The following CUL3 variants were observed in gnomAD, a reference collection of about 807,000 sequenced individuals.
The protein encoded by CUL3 is cullin 3.
A neutral mutation model predicts 89.1 loss-of-function variants in CUL3; 19 were observed. The observed-to-expected ratio is 0.21, with a 90% CI of 0.15 to 0.31. CUL3 has a LOEUF of 0.31. CUL3 is among the 10% of genes least tolerant of loss of function. The pLI, the probability that CUL3 is intolerant of heterozygous loss-of-function variation, is 1.00. For synonymous variants in CUL3, 351 were observed against 308.4 expected (o/e 1.14, Z -1.45); for missense variants, 469 against 942.3 (o/e 0.50, Z 6.58).
chr2:224,476,611 A>C (rs1436628682), intron 15 of CUL3, among the ~76,000 whole-genome samples: 1 of 152,132 alleles, frequency 6.6e-6, no homozygotes, highest in Non-Finnish European at 1.5e-5. Flanking sequence ...CTTACACCAA[A>C]TCTTGCTTAG....
In CUL3 at chr2:224,580,004, T is replaced by C. The variant is rs115984146; in HGVS notation, c.66+4940A>G. 3.3e-3 allele frequency among the ~76,000 whole-genome samples: 507 copies of C among 152,306 alleles called. 4 individuals are homozygous for C. The highest frequency in any genetic ancestry group is 0.012 in the African/African-American group (486 of 41,574). On this transcript the variant is annotated intron_variant, in intron 1 of 15. Coordinates refer to ENST00000264414, the MANE Select transcript of CUL3 (RefSeq NM_003590.5). ...AATAAAAGGTTCACCTGAAAGCAAC[T>C]AATCCTACATAGTGGAACAAAGCCC...
chr2:224,572,999 A>G (rs765272506), intron 1 of CUL3, among the ~76,000 whole-genome samples: 42 of 152,250 alleles, frequency 2.8e-4, no homozygotes, highest in Non-Finnish European at 4.6e-4. Flanking sequence ...AGTCACTTTT[A>G]GCCCTCAAAA....
At chr2:224,505,824 T>C (rs945880527) in intron 8 of CUL3, 132 bp downstream of exon 8, 1 of 495,814 alleles carries the variant, frequency 2.0e-6, no homozygotes, top group Non-Finnish European at 3.3e-6. Flanking sequence ...TATTTTTTAA[T>C]AGACCATGGC....
intron 1 of CUL3, among the ~76,000 whole-genome samples, chr2:224,576,318 A>G (rs908014221): frequency 6.6e-6 from 1 of 152,160 alleles, no homozygotes; most frequent in Admixed American, 6.5e-5. Context: ...TAGTAAACAG[A>G]AAGACTGGAC....
chr2:224,534,763 A>G (rs1693820925), intron 3 of CUL3, among the ~76,000 whole-genome samples: 1 of 152,016 alleles, frequency 6.6e-6, no homozygotes, highest in South Asian at 2.1e-4. Flanking sequence ...TGGGCAGATC[A>G]CCAGGTCAGG....
In CUL3 at chr2:224,511,011, T is replaced by C. The variant is rs377252278; in HGVS notation, c.883+343A>G. Among the ~76,000 whole-genome samples the C allele has an allele frequency of 1.6e-3, 245 of 152,278 alleles. 2 individuals are homozygous for C. Among genetic ancestry groups the C allele is most frequent in the East Asian group, 3.1e-3 (16 of 5,184 alleles). ...AATCACAAAACCCCAAGAGAGTATGTAGGACTAAAGAGAGCCCACACCCTT... is the reference window on the plus strand; with the variant it reads ...AATCACAAAACCCCAAGAGAGTATGCAGGACTAAAGAGAGCCCACACCCTT... On this transcript the variant is annotated intron_variant, in intron 6 of 15. Transcript: ENST00000264414.
At chr2:224,512,185 T>G (rs1692854640) in intron 5 of CUL3, among the ~76,000 whole-genome samples, 1 of 151,710 alleles carries the variant, frequency 6.6e-6, no homozygotes. Flanking sequence ...AAGCTCCACC[T>G]CCCGGGTCCA....
intron 1 of CUL3, among the ~76,000 whole-genome samples, chr2:224,570,713 C>G (rs1467862069): frequency 6.6e-6 from 1 of 152,114 alleles, no homozygotes. Flanking sequence ...AAATCACAAC[C>G]TGATCGACAT....
chr2:224,516,052 A>G (rs991037820), intron 3 of CUL3, among the ~76,000 whole-genome samples: 2 of 151,894 alleles, frequency 1.3e-5, no homozygotes, highest in Non-Finnish European at 2.9e-5. Flanking sequence ...CATTCCTCCA[A>G]CCTTCTCCTT....
intron 2 of CUL3, among the ~76,000 whole-genome samples, chr2:224,539,638 A>G (rs542388289): frequency 7.2e-5 from 11 of 152,360 alleles, no homozygotes; most frequent in South Asian, 6.2e-4. Context: ...GAAATGAGCT[A>G]TTAAGCCATG....
At chr2:224,501,885 C>T (rs758524375) in intron 10 of CUL3, among the ~76,000 whole-genome samples, 37 of 152,192 alleles carry the variant, frequency 2.4e-4, no homozygotes, top group Non-Finnish European at 4.3e-4. Flanking sequence ...TAAAAACTTA[C>T]TAGAGCAAAC....
chr2:224,536,463 T>C (rs1693903840), intron 2 of CUL3, among the ~76,000 whole-genome samples: 1 of 152,250 alleles, frequency 6.6e-6, no homozygotes, highest in South Asian at 2.1e-4. Flanking sequence ...TATTAGTTTA[T>C]TTGTTTATTG....
intron 10 of CUL3, 59 bp downstream of exon 10, chr2:224,502,906 A>G: frequency 8.6e-7 from 1 of 1,160,696 alleles, no homozygotes; most frequent in Non-Finnish European, 1.3e-6. Context: ...GGATGAAAAT[A>G]TACCCATTAC....
At chr2:224,476,996 A>C (rs1341517112) in intron 15 of CUL3, among the ~76,000 whole-genome samples, 1 of 152,214 alleles carries the variant, frequency 6.6e-6, no homozygotes, top group Non-Finnish European at 1.5e-5. Flanking sequence ...TCACGAGTCC[A>C]ATGAAAATGT....
At chr2:224,519,043 G>C (rs928379425) in intron 3 of CUL3, among the ~76,000 whole-genome samples, 1 of 152,200 alleles carries the variant, frequency 6.6e-6, no homozygotes, top group African/African-American at 2.4e-5. Flanking sequence ...CATGTGATCA[G>C]AATACATAGT....
At chr2:224,551,164 T>C (rs1323227528) in intron 2 of CUL3, among the ~76,000 whole-genome samples, 1 of 151,576 alleles carries the variant, frequency 6.6e-6, no homozygotes, top group Non-Finnish European at 1.5e-5. Context: ...CTCAGCCTCC[T>C]GAGCGACTGT....
At chr2:224,571,077 A>C (rs897792268) in intron 1 of CUL3, among the ~76,000 whole-genome samples, 1 of 152,200 alleles carries the variant, frequency 6.6e-6, no homozygotes, top group African/African-American at 2.4e-5. Context: ...CAATAATGTA[A>C]GTACTCTCAC....
chr2:224,585,279 C>T lies in CUL3; in HGVS notation c.-270G>A, dbSNP rs913597782. 157 of 399,492 alleles carry T rather than the reference C, an allele frequency of 3.9e-4. No individual in the cohort carries two copies. Among genetic ancestry groups the T allele is most frequent in the Non-Finnish European group, 5.6e-4 (127 of 227,888 alleles). The allele number at this position is 399,492 out of a possible 1,614,324, so 24.7% of individuals were successfully genotyped here. A position where few individuals can be genotyped will look rare whatever the true frequency, so the allele number is the denominator to read the frequency against. On this transcript the variant is annotated 5_prime_UTR_variant, in exon 1 of 16. Coordinates refer to ENST00000264414, the MANE Select transcript of CUL3 (RefSeq NM_003590.5). ...CGCGGGGTCCCCCTCACGTCCGGCT[C>T]GGCTCCCTTTATCGCGCTCCTCCGC...
At chr2:224,487,426 A>AC (rs1691767741) in intron 13 of CUL3, among the ~76,000 whole-genome samples, 1 of 115,724 alleles carries the variant, frequency 8.6e-6, no homozygotes, top group Non-Finnish European at 1.7e-5. Context: ...AGGAATATTT[A>AC]CCAAGCCCGC....
Sources: gnomAD v4.1 joint callset for allele counts (sites outside exome capture counted in the v4.1 genomes callset) on GRCh38, gnomAD v4.1.1 for gene constraint, MANE v1.5 for transcripts, NCBI Gene and HGNC (gene_info 2026-07-23, HGNC 2026-07-21) for gene names.